Variants in PLEKHA7 observed in about 807,000 individuals in gnomAD.
The protein encoded by PLEKHA7 is pleckstrin homology domain containing A7.
PLEKHA7 carries 104 observed loss-of-function variants against 170.0 expected under a neutral mutation model. The ratio of observed to expected loss-of-function variants is 0.61; its 90% CI spans 0.52 to 0.72. PLEKHA7 has a LOEUF of 0.72. PLEKHA7 is among the 30% of genes least tolerant of loss of function. PLEKHA7 has a pLI of 0.00. For missense variants in PLEKHA7, 1,615 were observed against 1,671.7 expected (o/e 0.97, Z 0.59); for synonymous variants, 648 against 660.8 (o/e 0.98, Z 0.30).
chr11:16,824,990 C>T (rs767053661), intron 10 of PLEKHA7, among the ~76,000 whole-genome samples: 2 of 152,210 alleles, frequency 1.3e-5, no homozygotes, highest in Non-Finnish European at 2.9e-5. Context: ...ACAGGATTGA[C>T]ACCTGGTCAT....
Position 17,013,981 on chromosome 11 carries a change from T to C in PLEKHA7, c.221+8A>G, listed in dbSNP as rs1419247317. The C allele has an allele frequency of 6.5e-7, 1 of 1,534,984 alleles. No individual in the cohort carries two copies. Among genetic ancestry groups the C allele is most frequent in the Non-Finnish European group, 8.8e-7 (1 of 1,141,572 alleles). On this transcript the variant is annotated splice_region_variant and intron_variant, in intron 3 of 26. Transcript: ENST00000531066. ...ACAGGTGCGAGCGCGGCGGCCCCACTCACTCACTCGATGAAGTAGCTGGCG... is the reference window on the plus strand; with the variant it reads ...ACAGGTGCGAGCGCGGCGGCCCCACCCACTCACTCGATGAAGTAGCTGGCG...
chr11:16,957,476 CT>C (rs1404024688), intron 3 of PLEKHA7, among the ~76,000 whole-genome samples: 2 of 152,194 alleles, frequency 1.3e-5, no homozygotes, highest in Non-Finnish European at 2.9e-5. Context: ...GCAGATAAGT[CT>C]ACAGAGACAG....
At chr11:16,958,991 T>A (rs1415418108) in intron 3 of PLEKHA7, among the ~76,000 whole-genome samples, 1 of 152,156 alleles carries the variant, frequency 6.6e-6, no homozygotes, top group African/African-American at 2.4e-5. Flanking sequence ...AAGCTCCTTT[T>A]GTTTACACTT....
chr11:16,960,377 C>A (rs746650920), intron 3 of PLEKHA7, among the ~76,000 whole-genome samples: 2 of 152,198 alleles, frequency 1.3e-5, no homozygotes, highest in Non-Finnish European at 1.5e-5. Flanking sequence ...ATGAGATAAG[C>A]CATCTAGATT....
chr11:16,914,462 C>T (rs1033206855), intron 3 of PLEKHA7, among the ~76,000 whole-genome samples: 3 of 152,168 alleles, frequency 2.0e-5, no homozygotes, highest in African/African-American at 4.8e-5. Context: ...AATGGCCCTG[C>T]GTACCCACTG....
chr11:16,838,213 C>T (rs984269066), intron 9 of PLEKHA7, among the ~76,000 whole-genome samples: 27 of 152,128 alleles, frequency 1.8e-4, no homozygotes, highest in Non-Finnish European at 3.4e-4. Flanking sequence ...ACAGGAAATA[C>T]ACGTGCCCAT....
chr11:16,903,559 G>A (rs1857470045), intron 3 of PLEKHA7, among the ~76,000 whole-genome samples: 1 of 152,110 alleles, frequency 6.6e-6, no homozygotes, highest in Non-Finnish European at 1.5e-5. Flanking sequence ...ATGGATTGTA[G>A]AGAATGCTGT....
chr11:17,006,984 G>A (rs1369747544), intron 3 of PLEKHA7, among the ~76,000 whole-genome samples: 1 of 152,190 alleles, frequency 6.6e-6, no homozygotes, highest in Non-Finnish European at 1.5e-5. Flanking sequence ...TTGATACTTG[G>A]CATTATCTCC....
At chr11:16,935,084 T>C (rs1860195322) in intron 3 of PLEKHA7, among the ~76,000 whole-genome samples, 1 of 152,238 alleles carries the variant, frequency 6.6e-6, no homozygotes, top group African/African-American at 2.4e-5. Context: ...AAATAAGACT[T>C]GTCAAAGCTA....
At chr11:16,889,710 A>C (rs997018897) in intron 3 of PLEKHA7, among the ~76,000 whole-genome samples, 7 of 152,150 alleles carry the variant, frequency 4.6e-5, no homozygotes, top group African/African-American at 1.7e-4. Flanking sequence ...GAGAAGAAGA[A>C]AATATATGGA....
In PLEKHA7 at chr11:16,791,695, G is replaced by A. The variant is rs76277194; in HGVS notation, c.2746-496C>T. On this transcript the variant is annotated intron_variant, in intron 19 of 26. Transcript: ENST00000531066. This position sits in a 1 kb window ranked among gnomAD's most constrained non-coding sequence, Gnocchi z 4.5. The stretch of plus-strand genomic sequence containing the variant: ...AGGTGGGGACCTGAACAAGGACAGA[G>A]TCTACATCCTCCTGGCCTTTCTATC... 3.6e-3 allele frequency: 1,668 copies of A among 458,212 alleles called. 40 individuals carry two copies. In the East Asian group the frequency reaches 0.038, roughly 11 times the overall value. The allele number at this position is 458,212 out of a possible 1,614,324, so 28.4% of individuals were successfully genotyped here. A position where few individuals can be genotyped will look rare whatever the true frequency, so the allele number is the denominator to read the frequency against.
intron 3 of PLEKHA7, among the ~76,000 whole-genome samples, chr11:16,978,830 T>C (rs1402234448): frequency 6.6e-6 from 1 of 152,052 alleles, no homozygotes; most frequent in Non-Finnish European, 1.5e-5. Flanking sequence ...ATATACAGAG[T>C]TTACCCTTTC....
intron 3 of PLEKHA7, among the ~76,000 whole-genome samples, chr11:16,979,366 C>T (rs770835416): frequency 1.5e-4 from 23 of 151,986 alleles, no homozygotes; most frequent in Non-Finnish European, 2.6e-4. Flanking sequence ...TCAAGTCATT[C>T]CACCTCCACC....
intron 13 of PLEKHA7, among the ~76,000 whole-genome samples, chr11:16,810,791 A>G (rs1284863189): frequency 6.6e-6 from 1 of 152,206 alleles, no homozygotes; most frequent in Non-Finnish European, 1.5e-5. Context: ...ACAGTGGTAG[A>G]GCACCATTTT....
chr11:16,889,420 A>AAAAAAAAATATATATAT (rs61086849), intron 3 of PLEKHA7, among the ~76,000 whole-genome samples: 3 of 74,682 alleles, frequency 4.0e-5, no homozygotes, highest in Non-Finnish European at 7.1e-5. Flanking sequence ...AAAAAAAAAA[A>AAAAAAAAATATATATAT]ATATATATAT....
chr11:16,989,527 C>T (rs1175035630), intron 3 of PLEKHA7, among the ~76,000 whole-genome samples: 15 of 152,206 alleles, frequency 9.9e-5, no homozygotes, highest in Admixed American at 7.9e-4. Flanking sequence ...AAGCCTGCCA[C>T]CCTAAAGCTT....
intron 6 of PLEKHA7, 69 bp downstream of exon 6, chr11:16,854,820 G>T: frequency 2.2e-6 from 3 of 1,387,676 alleles, no homozygotes; most frequent in Non-Finnish European, 3.1e-6. Context: ...TAGCTTCCTG[G>T]TGCCTGGGAA....
rs146924966 is a variant in PLEKHA7 at position 16,796,445 on chromosome 11, A to G, written c.2410-1427T>C. On this transcript the variant is annotated intron_variant, in intron 17 of 26. Transcript: ENST00000531066. The stretch of plus-strand genomic sequence containing the variant: ...CATTACATAATTCCATTTATAAGAA[A>G]TGTCCAGACTAGTCAAATCAGTAGA... Among the ~76,000 whole-genome samples, 54 of 152,308 alleles carry G rather than the reference A, an allele frequency of 3.5e-4. No individual in the cohort carries two copies. The East Asian group carries it at 9.4e-3, about 27-fold the overall frequency.
At position 16,852,344 on chromosome 11, in the gene PLEKHA7, C is replaced by G. The variant is rs1487375279; in HGVS notation, c.534G>C (p.Gly178=). ...RGWLHKQDSS[G]MRLWKRRWFV... is the part of the protein sequence containing the mutation. ...ACCACCTCCTTTTCCACAGCCTCATCCCAGAACTGTCCTGCAAAGCAAAGA... is the reference window on the plus strand; with the variant it reads ...ACCACCTCCTTTTCCACAGCCTCATGCCAGAACTGTCCTGCAAAGCAAAGA... The change falls in exon 7 of 27, where the codon GGG becomes GGC. Residue 178 remains glycine, a synonymous_variant. Transcript: ENST00000531066. 1.2e-6 allele frequency: 2 copies of G among 1,613,996 alleles called. No individual in the cohort carries two copies. The highest frequency in any genetic ancestry group is 1.7e-5 in the Admixed American group (1 of 60,014).
Sources: allele counts gnomAD v4.1 joint callset (sites outside exome capture counted in the v4.1 genomes callset), GRCh38; gene constraint gnomAD v4.1.1; non-coding constraint Gnocchi (gnomAD v3.1); transcripts MANE v1.5; gene names NCBI Gene and HGNC (gene_info 2026-07-23, HGNC 2026-07-21).